Variants in COL26A1 observed in about 807,000 individuals in gnomAD.
COL26A1 encodes collagen type XXVI alpha 1 chain, also known as collagen alpha-1(XXVI) chain.
Under a neutral mutation model 59.3 loss-of-function variants are expected in COL26A1, and 41 were observed. The observed-to-expected ratio is 0.69, with a 90% CI of 0.54 to 0.90. The LOEUF is 0.90. COL26A1 is among the 40% of genes least tolerant of loss of function. COL26A1 has a pLI of 0.00. For synonymous variants in COL26A1, 266 were observed against 256.0 expected (o/e 1.04, Z -0.37); for missense variants, 612 against 602.3 (o/e 1.02, Z -0.17).
chr7:101,532,554 G>A (rs966268535), intron 3 of COL26A1, among the ~76,000 whole-genome samples: 1 of 152,092 alleles, frequency 6.6e-6, no homozygotes, highest in African/African-American at 2.4e-5. Context: ...CAGCTATTGT[G>A]CATTTCTCAG....
At chr7:101,523,674 A>G (rs1328449982) in intron 3 of COL26A1, among the ~76,000 whole-genome samples, 1 of 152,122 alleles carries the variant, frequency 6.6e-6, no homozygotes, top group African/African-American at 2.4e-5. Flanking sequence ...CGCCTTTTTC[A>G]TAAGCCAAGT....
chr7:101,484,751 C>T (rs1377098091), intron 3 of COL26A1, among the ~76,000 whole-genome samples: 1 of 151,526 alleles, frequency 6.6e-6, no homozygotes, highest in Admixed American at 6.6e-5. Flanking sequence ...CTACAACCGT[C>T]ACCTGGGCTC....
intron 1 of COL26A1, among the ~76,000 whole-genome samples, chr7:101,385,799 G>A (rs565773490): frequency 1.0e-3 from 156 of 152,052 alleles, no homozygotes; most frequent in Non-Finnish European, 1.8e-3. Context: ...CTGCCTCCCA[G>A]GTTCACGCCA....
At chr7:101,474,351 C>G (rs998626155) in intron 3 of COL26A1, among the ~76,000 whole-genome samples, 6 of 151,960 alleles carry the variant, frequency 3.9e-5, no homozygotes, top group African/African-American at 1.5e-4. Context: ...AATCCCAGCA[C>G]TTTGGGAGGT....
intron 1 of COL26A1, among the ~76,000 whole-genome samples, chr7:101,389,886 C>T (rs1007918678): frequency 6.6e-6 from 1 of 152,054 alleles, no homozygotes; most frequent in Non-Finnish European, 1.5e-5. Context: ...GGGGTTTCAC[C>T]GTGTTGCCCA....
At chr7:101,403,339 C>A (rs1382580989) in intron 1 of COL26A1, among the ~76,000 whole-genome samples, 1 of 152,020 alleles carries the variant, frequency 6.6e-6, no homozygotes, top group Non-Finnish European at 1.5e-5. Flanking sequence ...AATGGTGCAG[C>A]TCTACTAAGT....
intron 1 of COL26A1, among the ~76,000 whole-genome samples, chr7:101,382,616 G>A (rs1396526529): frequency 6.6e-6 from 1 of 151,960 alleles, no homozygotes; most frequent in East Asian, 1.9e-4. Flanking sequence ...CTCCTTCACT[G>A]TTCTTTATCA....
rs1196781077 is a variant in COL26A1, at chr7:101,365,818, AG to A, written c.158+2630del. ...ACTTTTGTAATTAAAAGGTGTGGGA[AG>A]GAAAAAAAAAAAGGTGTTTGCAGCC... On this transcript the variant is annotated intron_variant, in intron 1 of 12. Coordinates refer to ENST00000313669, the MANE Select transcript of COL26A1 (RefSeq NM_001278563.3). Among the ~76,000 whole-genome samples, 474 of 98,262 alleles carry A rather than the reference AG, an allele frequency of 4.8e-3. 2 individuals are homozygous for A. Among genetic ancestry groups the A allele is most frequent in the African/African-American group, 0.029 (462 of 15,802 alleles). The allele number at this position is 98,262 out of a possible 152,430, so 64.5% of individuals were successfully genotyped here. A position where few individuals can be genotyped will look rare whatever the true frequency, so the allele number is the denominator to read the frequency against.
chr7:101,419,471 C>T (rs1792457673), intron 1 of COL26A1, among the ~76,000 whole-genome samples: 1 of 152,126 alleles, frequency 6.6e-6, no homozygotes, highest in Admixed American at 6.6e-5. Context: ...CCGCTCTGTG[C>T]CTGTTACACC....
chr7:101,448,788 G>A (rs977622441), intron 3 of COL26A1, among the ~76,000 whole-genome samples: 2 of 152,102 alleles, frequency 1.3e-5, no homozygotes, highest in Admixed American at 6.5e-5. Flanking sequence ...CACCTCTCCC[G>A]GCTGGAGGGG....
intron 3 of COL26A1, among the ~76,000 whole-genome samples, chr7:101,460,529 T>C (rs1052068865): frequency 6.6e-6 from 1 of 152,080 alleles, no homozygotes; most frequent in African/African-American, 2.4e-5. Context: ...ACACCTGTAA[T>C]CCCAGCACTT....
chr7:101,543,272 C>A (rs1401767353), intron 5 of COL26A1, among the ~76,000 whole-genome samples: 1 of 151,712 alleles, frequency 6.6e-6, no homozygotes, highest in Non-Finnish European at 1.5e-5. Context: ...TGGGCTCAAG[C>A]CATCCTCCCA....
chr7:101,447,358 A>G (rs1584415382), intron 2 of COL26A1, among the ~76,000 whole-genome samples: 1 of 152,326 alleles, frequency 6.6e-6, no homozygotes, highest in African/African-American at 2.4e-5. Context: ...GATATTATCA[A>G]TTTTGTTTCA....
chr7:101,536,176 C>T (rs1199622745), intron 4 of COL26A1, among the ~76,000 whole-genome samples: 5 of 152,334 alleles, frequency 3.3e-5, no homozygotes, highest in East Asian at 1.9e-4. Flanking sequence ...CCACCACATC[C>T]GGCTAATTTT....
intron 1 of COL26A1, among the ~76,000 whole-genome samples, chr7:101,387,889 C>T (rs1486582220): frequency 6.7e-6 from 1 of 150,092 alleles, no homozygotes; most frequent in East Asian, 2.0e-4. Context: ...CATACCTCAG[C>T]CTCTCGAGTA....
chr7:101,548,758 A>AG (rs1795797285), intron 8 of COL26A1, among the ~76,000 whole-genome samples: 1 of 152,098 alleles, frequency 6.6e-6, no homozygotes, highest in Admixed American at 6.5e-5. Context: ...TGGGGGCCAT[A>AG]GGAAGGGTCG....
intron 3 of COL26A1, among the ~76,000 whole-genome samples, chr7:101,448,906 T>A (rs1249738044): frequency 6.6e-6 from 1 of 152,252 alleles, no homozygotes; most frequent in Non-Finnish European, 1.5e-5. Context: ...AGGATCTATA[T>A]GCTTTGAGTG....
chr7:101,386,273 T>TTTTTTTGTTTTTTTAA lies in COL26A1; in HGVS notation c.158+23089_158+23090insGTTTTTTTAATTTTTT, dbSNP rs1554403864. 2.8e-3 allele frequency among the ~76,000 whole-genome samples: 415 copies of TTTTTTTGTTTTTTTAA among 149,004 alleles called. 1 individual carries two copies. Among genetic ancestry groups the TTTTTTTGTTTTTTTAA allele is most frequent in the African/African-American group, 9.8e-3 (392 of 39,990 alleles). On this transcript the variant is annotated intron_variant, in intron 1 of 12. Coordinates refer to ENST00000313669, the MANE Select transcript of COL26A1 (RefSeq NM_001278563.3). ...TCCTAGCTTGTTTTTTTTTTTTTTT[T>TTTTTTTGTTTTTTTAA]TTTTTTTAATTTTTTGAGACAGGGT...
intron 3 of COL26A1, among the ~76,000 whole-genome samples, chr7:101,473,645 C>A (rs548863736): frequency 3.3e-4 from 48 of 143,678 alleles, no homozygotes; most frequent in South Asian, 2.0e-3. Context: ...CACACACACA[C>A]ACACACACAA....
Sources: gnomAD v4.1 joint callset for allele counts (sites outside exome capture counted in the v4.1 genomes callset) on GRCh38, gnomAD v4.1.1 for gene constraint, MANE v1.5 for transcripts, NCBI Gene and HGNC (gene_info 2026-07-23, HGNC 2026-07-21) for gene names.